The following OR9Q1 variants were observed in gnomAD, a reference collection of about 807,000 sequenced individuals.
OR9Q1 encodes olfactory receptor 9Q1.
For missense variants in OR9Q1, 374 were observed against 378.8 expected (o/e 0.99, Z 0.11); for synonymous variants, 153 against 148.6 (o/e 1.03, Z -0.22).
chr11:58,089,794 G>A (rs1269379497), intron 2 of OR9Q1, among the ~76,000 whole-genome samples: 1 of 151,836 alleles, frequency 6.6e-6, no homozygotes, highest in Admixed American at 6.5e-5. Flanking sequence ...ATCATGGAAT[G>A]TTTTTACATT....
At chr11:58,045,537 A>G (rs1250217912) in intron 1 of OR9Q1, among the ~76,000 whole-genome samples, 1 of 152,176 alleles carries the variant, frequency 6.6e-6, no homozygotes, top group Non-Finnish European at 1.5e-5. Flanking sequence ...CCTGGCCATA[A>G]TGATATGTGC....
Position 58,037,912 on chromosome 11 carries a change from T to C in OR9Q1, c.-93+13808T>C, listed in dbSNP as rs1465276763. 2.1e-5 allele frequency among the ~76,000 whole-genome samples: 3 copies of C among 145,500 alleles called. No homozygotes were observed. In the South Asian group the frequency reaches 6.5e-4, roughly 31 times the overall value. On this transcript the variant is annotated intron_variant, in intron 1 of 2. Coordinates refer to ENST00000335397, the MANE Select transcript of OR9Q1 (RefSeq NM_001005212.4). ...TTTTTTTGTTTTTTTTTTTTTTTTT[T>C]AGTAGAGACGGGGTTTTACCATGTT... is the stretch of plus-strand genomic sequence containing the variant.
chr11:58,142,335 G>A (rs1854258069), intron 2 of OR9Q1, among the ~76,000 whole-genome samples: 1 of 152,118 alleles, frequency 6.6e-6, no homozygotes. Context: ...TAAGTTCTCA[G>A]TAGATTCTTA....
intron 1 of OR9Q1, among the ~76,000 whole-genome samples, chr11:58,053,783 C>T (rs1853299585): frequency 6.6e-6 from 1 of 151,508 alleles, no homozygotes; most frequent in African/African-American, 2.4e-5. Flanking sequence ...ACTATCAAAA[C>T]CCTGTCAACA....
chr11:58,032,278 A>G (rs1217562048), intron 1 of OR9Q1, among the ~76,000 whole-genome samples: 1 of 152,238 alleles, frequency 6.6e-6, no homozygotes, highest in Non-Finnish European at 1.5e-5. Flanking sequence ...ATATGAAAGC[A>G]AAAAAGGAGC....
At chr11:58,173,994 T>A (rs1854579903) in intron 2 of OR9Q1, among the ~76,000 whole-genome samples, 1 of 152,086 alleles carries the variant, frequency 6.6e-6, no homozygotes, top group Non-Finnish European at 1.5e-5. Flanking sequence ...TTGGGCAGCT[T>A]AGGGTGATGA....
intron 2 of OR9Q1, among the ~76,000 whole-genome samples, chr11:58,065,671 T>G (rs1853422321): frequency 2.0e-5 from 3 of 152,178 alleles, no homozygotes; most frequent in Non-Finnish European, 4.4e-5. Context: ...TGGCTTTAGT[T>G]GCCGTGATTT....
At chr11:58,047,415 T>C (rs778236947) in intron 1 of OR9Q1, 1 of 152,238 alleles carries the variant, frequency 6.6e-6, no homozygotes, top group Non-Finnish European at 1.5e-5. Context: ...ACAATGGCTG[T>C]CTGTCCTGAC....
chr11:58,083,171 A>G (rs1853605314), intron 2 of OR9Q1, among the ~76,000 whole-genome samples: 1 of 152,122 alleles, frequency 6.6e-6, no homozygotes, highest in Admixed American at 6.6e-5. Context: ...TCTTTAATCC[A>G]TCTTTAATTT....
At chr11:58,136,636 C>T (rs779126042) in intron 2 of OR9Q1, among the ~76,000 whole-genome samples, 36 of 152,174 alleles carry the variant, frequency 2.4e-4, no homozygotes, top group Non-Finnish European at 4.6e-4. Flanking sequence ...TATCACATGG[C>T]AAGGTGCAAC....
At chr11:58,079,973 G>A (rs1170734245) in intron 2 of OR9Q1, among the ~76,000 whole-genome samples, 5 of 152,056 alleles carry the variant, frequency 3.3e-5, no homozygotes, top group Non-Finnish European at 5.9e-5. Context: ...TTTAAGTTAC[G>A]CAGCAAAGAG....
chr11:58,104,802 G>A lies in OR9Q1; in HGVS notation c.-15+48855G>A, dbSNP rs772295822. 1.6e-4 allele frequency among the ~76,000 whole-genome samples: 25 copies of A among 152,194 alleles called. 1 individual carries two copies. The highest frequency in any genetic ancestry group is 3.3e-4 in the Admixed American group (5 of 15,280). ...GGTGATTGAGGAGATTGCATGTTCC[G>A]GACAGTATAGCTATTAAAATGGTGG... On this transcript the variant is annotated intron_variant, in intron 2 of 2. Transcript: ENST00000335397.
At chr11:58,139,115 A>T (rs1402922097) in intron 2 of OR9Q1, among the ~76,000 whole-genome samples, 1 of 152,156 alleles carries the variant, frequency 6.6e-6, no homozygotes, top group African/African-American at 2.4e-5. Flanking sequence ...ACAGAAAATG[A>T]AAAGAAAATA....
At chr11:58,109,318 A>T (rs945570715) in intron 2 of OR9Q1, 2 of 461,130 alleles carry the variant, frequency 4.3e-6, no homozygotes, top group African/African-American at 4.0e-5. Context: ...CATCACTGAC[A>T]GCAGGTAACA....
chr11:58,129,709 G>T (rs1485005473), intron 2 of OR9Q1, among the ~76,000 whole-genome samples: 1 of 152,016 alleles, frequency 6.6e-6, no homozygotes, highest in Admixed American at 6.6e-5. Context: ...CCATCACCAA[G>T]ACCTTTTCTG....
chr11:58,054,026 G>A (rs1003486256), intron 1 of OR9Q1, among the ~76,000 whole-genome samples: 2 of 152,090 alleles, frequency 1.3e-5, no homozygotes, highest in African/African-American at 4.8e-5. Flanking sequence ...GGGTGGTGAT[G>A]GATGTGTTAA....
intron 2 of OR9Q1, among the ~76,000 whole-genome samples, chr11:58,147,985 T>C (rs1208254904): frequency 6.6e-6 from 1 of 152,128 alleles, no homozygotes; most frequent in African/African-American, 2.4e-5. Context: ...AGAACTAGGC[T>C]TTGGAATTAT....
intron 2 of OR9Q1, among the ~76,000 whole-genome samples, chr11:58,127,924 C>G (rs1162491847): frequency 6.6e-6 from 1 of 152,088 alleles, no homozygotes; most frequent in Non-Finnish European, 1.5e-5. Context: ...CTGGAGCTAT[C>G]CAGATAAAGT....
intron 2 of OR9Q1, among the ~76,000 whole-genome samples, chr11:58,058,222 C>T (rs541380189): frequency 6.6e-6 from 1 of 152,184 alleles, no homozygotes; most frequent in East Asian, 1.9e-4. Context: ...TGATAGGCAA[C>T]CCACAGGGCT....
Sources: allele counts gnomAD v4.1 joint callset (sites outside exome capture counted in the v4.1 genomes callset), GRCh38; gene constraint gnomAD v4.1.1; transcripts MANE v1.5; gene names NCBI Gene and HGNC (gene_info 2026-07-23, HGNC 2026-07-21).